The following EYS variants were observed in gnomAD, a reference collection of about 807,000 sequenced individuals.
EYS encodes the protein EGF-like photoreceptor maintenance factor.
In EYS, 250 loss-of-function variants were observed where a neutral mutation model predicts 282.1. That is an observed-to-expected ratio of 0.89 (90% CI 0.80 to 0.98). The LOEUF (loss-of-function observed/expected upper bound fraction) is 0.98, where lower values mean the gene tolerates loss of function less well. EYS is among the 50% of genes least tolerant of loss of function. EYS has a pLI of 0.00. For synonymous variants in EYS, 1,355 were observed against 1,282.9 expected (o/e 1.06, Z -1.20); for missense variants, 4,016 against 3,709.0 (o/e 1.08, Z -2.15).
chr6:64,028,145 G>A (rs1769627186), intron 33 of EYS, among the ~76,000 whole-genome samples: 1 of 152,302 alleles, frequency 6.6e-6, no homozygotes, highest in African/African-American at 2.4e-5. Flanking sequence ...ACATGAATAT[G>A]GGGAACAAGT....
intron 21 of EYS, among the ~76,000 whole-genome samples, chr6:64,815,532 T>G (rs1764721466): frequency 6.6e-6 from 1 of 152,118 alleles, no homozygotes; most frequent in Admixed American, 6.6e-5. Context: ...AGGCAATTTC[T>G]TTTTAGAGGA....
At chr6:65,236,586 C>G (rs1309742441) in intron 12 of EYS, among the ~76,000 whole-genome samples, 1 of 151,448 alleles carries the variant, frequency 6.6e-6, no homozygotes, top group Non-Finnish European at 1.5e-5. Flanking sequence ...CCAGCTTGGG[C>G]AACAGAGTGA....
intron 22 of EYS, among the ~76,000 whole-genome samples, chr6:64,668,437 T>C (rs1451581536): frequency 6.6e-6 from 1 of 152,136 alleles, no homozygotes; most frequent in Non-Finnish European, 1.5e-5. Flanking sequence ...TTATCATATT[T>C]GTTGCTTTCA....
In EYS at chr6:65,696,684, G is replaced by A. The variant is rs139467080; in HGVS notation, c.-448+10451C>T. On this transcript the variant is annotated intron_variant, in intron 1 of 42. Coordinates refer to ENST00000503581, the MANE Select transcript of EYS (RefSeq NM_001142800.2). ...AATTATCTCACTGGTAAGGTAAGGCGGTACTTGAGTCTTGCACATCCTAAA... is the reference window on the plus strand; with the variant it reads ...AATTATCTCACTGGTAAGGTAAGGCAGTACTTGAGTCTTGCACATCCTAAA... 3.9e-3 allele frequency among the ~76,000 whole-genome samples: 600 copies of A among 151,914 alleles called. 5 individuals are homozygous for A. Among genetic ancestry groups the A allele is most frequent in the African/African-American group, 0.014 (594 of 41,474 alleles).
intron 14 of EYS, 28 bp downstream of exon 14, chr6:64,997,554 G>A (rs1318998244): frequency 4.5e-6 from 7 of 1,546,352 alleles, no homozygotes; most frequent in Non-Finnish European, 6.1e-6. Context: ...TCCACATTTA[G>A]GTATATAAAA....
Position 65,443,196 on chromosome 6 carries a change from C to T in EYS, c.863-37829G>A, listed in dbSNP as rs1026484551. 9.9e-5 allele frequency among the ~76,000 whole-genome samples: 15 copies of T among 151,272 alleles called. 3 individuals are homozygous for T. The highest frequency in any genetic ancestry group is 1.8e-4 in the Non-Finnish European group (12 of 67,760). On this transcript the variant is annotated intron_variant, in intron 5 of 42. Transcript: ENST00000503581. ...TATGTGCACATCATATACATATGTG[C>T]GCACATATATGTATGCATCATATAC...
chr6:65,576,982 A>G (rs2127357218), intron 2 of EYS, among the ~76,000 whole-genome samples: 1 of 151,970 alleles, frequency 6.6e-6, no homozygotes, highest in Non-Finnish European at 1.5e-5. Flanking sequence ...TTGTTAAAAT[A>G]TCCATACTAC....
chr6:63,994,655 A>G (rs1767752783), intron 34 of EYS, among the ~76,000 whole-genome samples: 1 of 151,888 alleles, frequency 6.6e-6, no homozygotes, highest in Admixed American at 6.6e-5. Flanking sequence ...GTAGGAAACT[A>G]TTTTCAAGAA....
intron 21 of EYS, among the ~76,000 whole-genome samples, chr6:64,819,511 CT>C (rs1434867695): frequency 3.3e-5 from 5 of 151,878 alleles, no homozygotes; most frequent in Admixed American, 3.3e-4. Context: ...TTAACAGACC[CT>C]TTGATAAAAT....
rs78612154 is a variant in EYS at position 64,742,691 on chromosome 6, A to G, written c.3443+70687T>C. ...CAGGTGCATACTTATTCTCAAGCTT[A>G]TTGAGTTGTAAACATTAAGTATGTA... On this transcript the variant is annotated intron_variant, in intron 22 of 42. Coordinates refer to ENST00000503581, the MANE Select transcript of EYS (RefSeq NM_001142800.2). Among the ~76,000 whole-genome samples the G allele has an allele frequency of 7.3e-3, 1,118 of 152,264 alleles. 10 individuals carry two copies. The highest frequency in any genetic ancestry group is 0.039 in the South Asian group (186 of 4,824).
intron 14 of EYS, among the ~76,000 whole-genome samples, chr6:64,981,023 A>T (rs992362472): frequency 6.6e-6 from 1 of 151,446 alleles, no homozygotes; most frequent in Non-Finnish European, 1.5e-5. Context: ...CAATCATAAA[A>T]TTCACTTAGA....
intron 35 of EYS, among the ~76,000 whole-genome samples, chr6:63,890,742 G>A (rs1412556490): frequency 3.3e-5 from 5 of 152,104 alleles, no homozygotes; most frequent in Admixed American, 2.6e-4. Context: ...AAATAACTAA[G>A]ATCAGAGCAG....
At chr6:64,452,399 G>A (rs1018496668) in intron 26 of EYS, among the ~76,000 whole-genome samples, 1 of 152,136 alleles carries the variant, frequency 6.6e-6, no homozygotes, top group African/African-American at 2.4e-5. Flanking sequence ...CTCATGGGTA[G>A]GAAGAATCAA....
chr6:64,965,789 C>T (rs898089917), intron 14 of EYS, among the ~76,000 whole-genome samples: 6 of 152,054 alleles, frequency 3.9e-5, no homozygotes, highest in African/African-American at 1.4e-4. Flanking sequence ...TAAGATACAG[C>T]TACCTACAAA....
At chr6:64,395,821 A>C (rs1017659730) in intron 28 of EYS, among the ~76,000 whole-genome samples, 1 of 152,072 alleles carries the variant, frequency 6.6e-6, no homozygotes, top group East Asian at 1.9e-4. Flanking sequence ...ACAAAATAAT[A>C]GTACACATAT....
chr6:63,803,973 G>T (rs1341177759), intron 37 of EYS, among the ~76,000 whole-genome samples: 2 of 152,110 alleles, frequency 1.3e-5, no homozygotes, highest in African/African-American at 2.4e-5. Flanking sequence ...AGGCCCTTTT[G>T]AGAAAAGATA....
At chr6:64,337,186 A>G (rs1225450115) in intron 29 of EYS, among the ~76,000 whole-genome samples, 1 of 152,054 alleles carries the variant, frequency 6.6e-6, no homozygotes, top group African/African-American at 2.4e-5. Flanking sequence ...TAAATGAAAC[A>G]AAAAGCTGGT....
chr6:65,565,795 G>C lies in EYS; in HGVS notation c.-332-69802C>G, dbSNP rs377399242. ...AAAAAAGGACTAGTTCATGTCCTTT[G>C]TAGGGACATGGATGAAGCTGGAAAC... On this transcript the variant is annotated intron_variant, in intron 2 of 42. Transcript: ENST00000503581. Among the ~76,000 whole-genome samples, 6 of 152,180 alleles carry C rather than the reference G, an allele frequency of 3.9e-5. No individual in the cohort carries two copies. In the East Asian group the frequency reaches 1.2e-3, roughly 30 times the overall value.
intron 24 of EYS, among the ~76,000 whole-genome samples, chr6:64,609,608 A>T (rs938879439): frequency 1.3e-5 from 2 of 151,272 alleles, no homozygotes; most frequent in Admixed American, 1.3e-4. Flanking sequence ...CTTTGTACAG[A>T]CATTGTGGCT....
Sources: gnomAD v4.1 joint callset for allele counts (sites outside exome capture counted in the v4.1 genomes callset) on GRCh38, gnomAD v4.1.1 for gene constraint, MANE v1.5 for transcripts, NCBI Gene and HGNC (gene_info 2026-07-23, HGNC 2026-07-21) for gene names.